Variants in KCNJ6 observed in about 807,000 individuals in gnomAD.
KCNJ6 encodes the protein potassium inwardly rectifying channel subfamily J member 6, also known as G protein-activated inward rectifier potassium channel 2.
A neutral mutation model predicts 34.2 loss-of-function variants in KCNJ6; 9 were observed. That is an observed-to-expected ratio of 0.26 (90% CI 0.16 to 0.46). KCNJ6 has a LOEUF of 0.46. Among genes scored for constraint, KCNJ6 ranks in the 20% least tolerant of loss-of-function variants. KCNJ6 has a pLI of 1.00. For synonymous variants in KCNJ6, 196 were observed against 207.1 expected (o/e 0.95, Z 0.46); for missense variants, 236 against 531.3 (o/e 0.44, Z 5.46).
chr21:37,789,437 T>TAG (rs141551821), intron 2 of KCNJ6, among the ~76,000 whole-genome samples: 37 of 151,990 alleles, frequency 2.4e-4, no homozygotes, highest in Admixed American at 1.8e-3. Flanking sequence ...ATCTGCAAGC[T>TAG]AGAGAGAGAG....
In KCNJ6 at chr21:37,794,602, C is replaced by A. The variant is rs997424441; in HGVS notation, c.25+46056G>T. 3.9e-5 allele frequency among the ~76,000 whole-genome samples: 6 copies of A among 152,042 alleles called. No individual in the cohort carries two copies. In the South Asian group the frequency reaches 1.0e-3, roughly 26 times the overall value. On this transcript the variant is annotated intron_variant, in intron 2 of 3. Transcript: ENST00000609713. The stretch of plus-strand genomic sequence containing the variant: ...TGTGTAATAACCTTTTAAAAAAATT[C>A]TTTCTCCAGCAAACTAACACAGGAA...
At chr21:37,799,233 T>A (rs1208564344) in intron 2 of KCNJ6, among the ~76,000 whole-genome samples, 2 of 152,162 alleles carry the variant, frequency 1.3e-5, no homozygotes, top group African/African-American at 4.8e-5. Flanking sequence ...CCATCCATGT[T>A]CCTGCAAAGG....
intron 1 of KCNJ6, among the ~76,000 whole-genome samples, chr21:37,856,884 G>A (rs1452873221): frequency 1.3e-5 from 2 of 152,204 alleles, no homozygotes; most frequent in Non-Finnish European, 2.9e-5. Context: ...CAGTTACTTG[G>A]TTTCATTCCA....
intron 2 of KCNJ6, among the ~76,000 whole-genome samples, chr21:37,758,309 C>A (rs940172161): frequency 4.6e-5 from 7 of 152,112 alleles, no homozygotes; most frequent in African/African-American, 7.2e-5. Context: ...ATCGTATTTG[C>A]ATTGGTGGGA....
intron 3 of KCNJ6, among the ~76,000 whole-genome samples, chr21:37,708,833 T>A (rs567094220): frequency 2.6e-5 from 4 of 152,334 alleles, no homozygotes; most frequent in African/African-American, 9.6e-5. Context: ...GAAATATCAT[T>A]ACTAGAAACA....
intron 2 of KCNJ6, among the ~76,000 whole-genome samples, chr21:37,790,006 G>A (rs1261233913): frequency 6.6e-6 from 1 of 152,194 alleles, no homozygotes; most frequent in Admixed American, 6.5e-5. Context: ...TATGCAGGAT[G>A]GGGAAGGATC....
In KCNJ6 at chr21:37,899,599, GA is replaced by G. The variant is rs146863903; in HGVS notation, c.-28+16284del. Among the ~76,000 whole-genome samples the G allele has an allele frequency of 4.9e-3, 742 of 152,336 alleles. 29 individuals are homozygous for G. In the South Asian group the frequency reaches 0.076, roughly 16 times the overall value. On this transcript the variant is annotated intron_variant, in intron 1 of 3. Coordinates refer to ENST00000609713, the MANE Select transcript of KCNJ6 (RefSeq NM_002240.5). ...TCACAGCCAGTGAATGTTAATTGAA[GA>G]GTGGACCTTGGTAGTGTCTGGGAGA...
intron 2 of KCNJ6, among the ~76,000 whole-genome samples, chr21:37,742,302 G>C (rs1336228830): frequency 6.6e-6 from 1 of 152,180 alleles, no homozygotes; most frequent in Non-Finnish European, 1.5e-5. Flanking sequence ...TTCCTGGGTT[G>C]TTTATTGTAG....
chr21:37,878,121 G>A (rs2055688162), intron 1 of KCNJ6, among the ~76,000 whole-genome samples: 1 of 152,194 alleles, frequency 6.6e-6, no homozygotes, highest in East Asian at 1.9e-4. Flanking sequence ...AATAAGCACT[G>A]AGCTTTGAAC....
chr21:37,631,922 G>A (rs546890827), intron 3 of KCNJ6, among the ~76,000 whole-genome samples: 1 of 152,158 alleles, frequency 6.6e-6, no homozygotes, highest in Non-Finnish European at 1.5e-5. Flanking sequence ...TTTGGACCGA[G>A]TATTGGGAAA....
rs1376273277 is a variant in KCNJ6 at position 37,663,638 on chromosome 21, G to A, written c.947-38154C>T. ...AACATGGATGAAGGCAAAAGGTATTGCAAGAGATGAAAGGGTCACCATAAT... is the reference window on the plus strand; with the variant it reads ...AACATGGATGAAGGCAAAAGGTATTACAAGAGATGAAAGGGTCACCATAAT... On this transcript the variant is annotated intron_variant, in intron 3 of 3. Coordinates refer to ENST00000609713, the MANE Select transcript of KCNJ6 (RefSeq NM_002240.5). 3.3e-5 allele frequency among the ~76,000 whole-genome samples: 5 copies of A among 152,244 alleles called. No homozygotes were observed. The East Asian group carries it at 7.7e-4, about 23-fold the overall frequency.
chr21:37,794,669 T>G (rs1015591791), intron 2 of KCNJ6, among the ~76,000 whole-genome samples: 2 of 149,890 alleles, frequency 1.3e-5, no homozygotes, highest in Non-Finnish European at 3.0e-5. Context: ...TAAGTGGGAG[T>G]TGAACAATGA....
chr21:37,671,259 T>C (rs2054541103), intron 3 of KCNJ6, among the ~76,000 whole-genome samples: 1 of 152,160 alleles, frequency 6.6e-6, no homozygotes, highest in African/African-American at 2.4e-5. Context: ...TGATCACCAA[T>C]GGCCAATGAT....
At chr21:37,737,227 C>T (rs1338306322) in intron 2 of KCNJ6, among the ~76,000 whole-genome samples, 3 of 152,096 alleles carry the variant, frequency 2.0e-5, no homozygotes, top group Non-Finnish European at 4.4e-5. Context: ...TACAGGAGTA[C>T]GTCTCATTAG....
chr21:37,692,293 C>T (rs981097308), intron 3 of KCNJ6, among the ~76,000 whole-genome samples: 6 of 152,068 alleles, frequency 3.9e-5, no homozygotes, highest in Non-Finnish European at 8.8e-5. Flanking sequence ...TCAACTGCCT[C>T]TCCCTTTACC....
intron 1 of KCNJ6, among the ~76,000 whole-genome samples, chr21:37,897,309 T>G (rs937433696): frequency 6.6e-6 from 1 of 152,234 alleles, no homozygotes; most frequent in East Asian, 1.9e-4. Context: ...CAGAACAGTG[T>G]TGTTCAGTCC....
rs536795949 is a variant in KCNJ6 at position 37,615,098 on chromosome 21, C to G, written c.*10061G>C. Reference sequence around the variant, plus strand: ...AAAGTTCTCATCTACCCTCTAATGCCCCATGAGACACAGCAAGCTGACCAG... The same window carrying G: ...AAAGTTCTCATCTACCCTCTAATGCGCCATGAGACACAGCAAGCTGACCAG... On this transcript the variant is annotated 3_prime_UTR_variant, in exon 4 of 4. Transcript: ENST00000609713. 1.3e-5 allele frequency: 2 copies of G among 152,230 alleles called. No homozygotes were observed. Among genetic ancestry groups the G allele is most frequent in the East Asian group, 3.9e-4 (2 of 5,184 alleles). 9.4% of individuals were successfully genotyped at this position (152,230 alleles called of 1,614,324 possible).
rs762285430 is a variant in KCNJ6, at chr21:37,758,915, G to A, written c.26-43784C>T. ...CAAAGTGCTGGGATTACAGGTGTGC[G>A]CCACCGTGCCTTCCCGGCCTTAGAT... On this transcript the variant is annotated intron_variant, in intron 2 of 3. Coordinates refer to ENST00000609713, the MANE Select transcript of KCNJ6 (RefSeq NM_002240.5). Among the ~76,000 whole-genome samples the A allele has an allele frequency of 4.6e-5, 7 of 152,136 alleles. No individual in the cohort carries two copies. The East Asian group carries it at 5.8e-4, about 13-fold the overall frequency.
chr21:37,800,963 T>C (rs1053355835), intron 2 of KCNJ6, among the ~76,000 whole-genome samples: 3 of 151,808 alleles, frequency 2.0e-5, no homozygotes, highest in African/African-American at 4.8e-5. Context: ...TCTGCGGAGG[T>C]TGATGAGAGG....
Sources: allele counts gnomAD v4.1 joint callset (sites outside exome capture counted in the v4.1 genomes callset), GRCh38; gene constraint gnomAD v4.1.1; transcripts MANE v1.5; gene names NCBI Gene and HGNC (gene_info 2026-07-23, HGNC 2026-07-21).